Variants in CTNNA3 observed in about 807,000 individuals in gnomAD.
The protein encoded by CTNNA3 is catenin alpha-3.
Under a neutral mutation model 95.7 loss-of-function variants are expected in CTNNA3, and 76 were observed. The observed-to-expected ratio is 0.79, with a 90% confidence interval of 0.66 to 0.96. The LOEUF (loss-of-function observed/expected upper bound fraction) is 0.96. Among genes scored for constraint, CTNNA3 ranks in the 40% least tolerant of loss-of-function variants. CTNNA3 has a pLI of 0.00. For synonymous variants in CTNNA3, 431 were observed against 374.4 expected (o/e 1.15, Z -1.74); for missense variants, 1,191 against 1,089.8 (o/e 1.09, Z -1.31).
At chr10:67,425,444 AATTATTAATTCCATACAAAG>A (rs568559170) in intron 5 of CTNNA3, among the ~76,000 whole-genome samples, 3,216 of 152,150 alleles carry the variant, frequency 0.021, 43 homozygotes, top group Non-Finnish European at 0.032. Flanking sequence ...GAAAATAGGA[AATTATTAATTCCATACAAAG>A]AATATAGTAC....
rs550885563 is a variant in CTNNA3 at position 66,507,979 on chromosome 10, A to G, written c.1531+12638T>C. On this transcript the variant is annotated intron_variant, in intron 11 of 17. Transcript: ENST00000433211. ...TAATTAACATTCCCACTAACAGTAC[A>G]TAAGAATTCCCCTTACTCCACATCC... Among the ~76,000 whole-genome samples the G allele has an allele frequency of 6.6e-5, 10 of 152,224 alleles. No individual in the cohort carries two copies. The South Asian group carries it at 1.9e-3, about 28-fold the overall frequency.
intron 13 of CTNNA3, among the ~76,000 whole-genome samples, chr10:66,152,689 G>T (rs74141246): frequency 1.4e-3 from 213 of 151,886 alleles, no homozygotes; most frequent in African/African-American, 4.8e-3. Flanking sequence ...GAGCATTTTT[G>T]AAATAAAAAA....
rs370136136 is a variant in CTNNA3, at chr10:67,688,900, G to A, written c.-6+7100C>T. On this transcript the variant is annotated intron_variant, in intron 1 of 17. Coordinates refer to ENST00000433211, the MANE Select transcript of CTNNA3 (RefSeq NM_013266.4). ...GATCAGAATAGTTGTGCTCACCGAC[G>A]CAGCATCAGAAACACTAGTTTTCCT... Among the ~76,000 whole-genome samples the A allele has an allele frequency of 7.9e-5, 12 of 152,234 alleles. No homozygotes were observed. The South Asian group carries it at 1.0e-3, about 13-fold the overall frequency.
At chr10:66,197,396 C>T (rs1285023223) in intron 13 of CTNNA3, among the ~76,000 whole-genome samples, 10 of 151,018 alleles carry the variant, frequency 6.6e-5, no homozygotes, top group Middle Eastern at 6.8e-3. Context: ...TATCTATCCA[C>T]GTTGCTCTCC....
intron 9 of CTNNA3, among the ~76,000 whole-genome samples, chr10:66,624,883 C>G (rs571030528): frequency 4.6e-5 from 7 of 152,232 alleles, no homozygotes; most frequent in African/African-American, 1.7e-4. Flanking sequence ...GAAAAGCATT[C>G]TGGCATTGAA....
chr10:66,543,855 T>C (rs1841943683), intron 10 of CTNNA3, among the ~76,000 whole-genome samples: 1 of 148,148 alleles, frequency 6.8e-6, no homozygotes, highest in Non-Finnish European at 1.5e-5. Flanking sequence ...TGTATTAAAA[T>C]TGCTAAATTT....
At chr10:67,527,342 T>C (rs1048291320) in intron 4 of CTNNA3, among the ~76,000 whole-genome samples, 2 of 152,194 alleles carry the variant, frequency 1.3e-5, no homozygotes, top group African/African-American at 2.4e-5. Flanking sequence ...ATAATCCATT[T>C]TGAGAAGGGT....
At chr10:67,379,828 C>T (rs373091370) in intron 5 of CTNNA3, among the ~76,000 whole-genome samples, 2 of 151,538 alleles carry the variant, frequency 1.3e-5, no homozygotes, top group Non-Finnish European at 2.9e-5. Flanking sequence ...GAGAGCATCC[C>T]GGCTAAAACG....
chr10:67,387,549 G>C (rs1844240739), intron 5 of CTNNA3, among the ~76,000 whole-genome samples: 1 of 152,200 alleles, frequency 6.6e-6, no homozygotes, highest in African/African-American at 2.4e-5. Flanking sequence ...GAACTGGGTG[G>C]AGCCCACCAC....
chr10:67,554,981 A>T lies in CTNNA3; in HGVS notation c.293-15312T>A, dbSNP rs1027100077. ...TTCAGCTTTCTACATATGGCTAGCC[A>T]GTTTTCCCAGCACCATTTATTGAAT... On this transcript the variant is annotated intron_variant, in intron 3 of 17. Transcript: ENST00000433211. Among the ~76,000 whole-genome samples, 2 of 152,178 alleles carry T rather than the reference A, an allele frequency of 1.3e-5. 1 individual carries two copies. The highest frequency in any genetic ancestry group is 2.9e-5 in the Non-Finnish European group (2 of 68,034).
chr10:67,295,757 A>G (rs1840006342), intron 5 of CTNNA3, among the ~76,000 whole-genome samples: 1 of 152,230 alleles, frequency 6.6e-6, no homozygotes, highest in Non-Finnish European at 1.5e-5. Context: ...TAGCTGGAGT[A>G]AGAAGAATAA....
intron 1 of CTNNA3, among the ~76,000 whole-genome samples, chr10:67,747,202 G>A (rs529973970): frequency 2.4e-4 from 37 of 152,270 alleles, no homozygotes; most frequent in South Asian, 1.2e-3. Flanking sequence ...CTTTCCTTCC[G>A]CTAGCTCTGA....
chr10:67,172,068 G>C (rs747648367), intron 7 of CTNNA3, among the ~76,000 whole-genome samples: 18 of 152,182 alleles, frequency 1.2e-4, no homozygotes, highest in Middle Eastern at 3.4e-3. Flanking sequence ...TGTGATTCCT[G>C]CTCTGTGCCT....
chr10:66,439,561 G>A (rs1413494691), intron 11 of CTNNA3, among the ~76,000 whole-genome samples: 3 of 151,934 alleles, frequency 2.0e-5, no homozygotes, highest in African/African-American at 7.3e-5. Flanking sequence ...TTAAGCAAAT[G>A]AAAAATGAAG....
intron 3 of CTNNA3, among the ~76,000 whole-genome samples, chr10:67,564,394 C>T (rs916037689): frequency 1.4e-5 from 2 of 145,312 alleles, no homozygotes; most frequent in African/African-American, 5.1e-5. Context: ...ATCGCAAGGA[C>T]AGAAAACCAA....
chr10:67,229,429 A>T (rs543800061), intron 5 of CTNNA3, among the ~76,000 whole-genome samples: 1 of 152,306 alleles, frequency 6.6e-6, no homozygotes, highest in East Asian at 1.9e-4. Flanking sequence ...GGCCATTCTC[A>T]CCACTCCTCT....
At position 67,224,209 on chromosome 10, in the gene CTNNA3, A is replaced by G. The variant is rs1260866238; in HGVS notation, c.580-4339T>C. Reference sequence around the variant, plus strand: ...TAGGTCCCTAGAACTTACTCATCTTATAATTGAAAGTGTATACCCTTTGAC... The same window carrying G: ...TAGGTCCCTAGAACTTACTCATCTTGTAATTGAAAGTGTATACCCTTTGAC... On this transcript the variant is annotated intron_variant, in intron 5 of 17. Transcript: ENST00000433211. Among the ~76,000 whole-genome samples, 3 of 152,316 alleles carry G rather than the reference A, an allele frequency of 2.0e-5. No individual in the cohort carries two copies. The East Asian group carries it at 5.8e-4, about 29-fold the overall frequency.
At chr10:66,387,480 C>T (rs189903966) in intron 11 of CTNNA3, among the ~76,000 whole-genome samples, 9,232 of 152,154 alleles carry the variant, frequency 0.061, 393 homozygotes, top group East Asian at 0.099. Flanking sequence ...AACAGGAACA[C>T]TTTTACACTG....
chr10:67,746,225 C>T (rs1296169016), intron 1 of CTNNA3, among the ~76,000 whole-genome samples: 1 of 152,090 alleles, frequency 6.6e-6, no homozygotes, highest in Non-Finnish European at 1.5e-5. Context: ...TAAACAGGGA[C>T]ACAGACCAGT....
Sources: allele counts gnomAD v4.1 joint callset (sites outside exome capture counted in the v4.1 genomes callset), GRCh38; gene constraint gnomAD v4.1.1; transcripts MANE v1.5; gene names NCBI Gene and HGNC (gene_info 2026-07-23, HGNC 2026-07-21).